The following TBCD variants were observed in gnomAD, a reference collection of about 807,000 sequenced individuals.
TBCD encodes tubulin folding cofactor D.
Under a neutral mutation model 169.3 loss-of-function variants are expected in TBCD, and 105 were observed. The ratio of observed to expected loss-of-function variants is 0.62; its 90% CI spans 0.53 to 0.73. TBCD has a LOEUF of 0.73. Ranked by LOEUF, TBCD falls within the 30% of genes least tolerant of loss-of-function variation. The pLI, the probability that TBCD is intolerant of heterozygous loss-of-function variation, is 0.00. For synonymous variants in TBCD, 700 were observed against 643.9 expected, an observed-to-expected ratio of 1.09 and a Z score of -1.32; for missense variants, 1,444 against 1,600.1, an observed-to-expected ratio of 0.90 and a Z score of 1.66.
chr17:82,931,511 A>G (rs959537426), intron 33 of TBCD, among the ~76,000 whole-genome samples: 1 of 146,892 alleles, frequency 6.8e-6, no homozygotes, highest in Non-Finnish European at 1.5e-5. Context: ...CCGGTCGCTC[A>G]TTCCGCCTTG....
chr17:82,800,182 G>T (rs1344580840), intron 8 of TBCD, among the ~76,000 whole-genome samples: 1 of 152,054 alleles, frequency 6.6e-6, no homozygotes, highest in East Asian at 1.9e-4. Flanking sequence ...CTCTGAAGCC[G>T]CCATGCACTT....
rs2062020294 is a variant in TBCD, at chr17:82,929,418, C to T, written c.2909C>T (p.Thr970Ile). Residue 970 changes from threonine (T) to isoleucine (I), a missense_variant, in exon 32 of 39, where the codon ACC becomes ATC. Physicochemically the swap from Thr to Ile is moderately conservative, Grantham distance 89. Transcript: ENST00000355528. ...SAPSQAFPRI[T>I]QLLGLPTYRY... is the part of the protein sequence containing the mutation. ...CCTTCCCAGGCCTTCCCACGCATCA[C>T]CCAGCTCCTTGGGCTGCCCACCTAC... The T allele has an allele frequency of 3.7e-6, 6 of 1,612,822 alleles. No individual in the cohort carries two copies. The highest frequency in any genetic ancestry group is 1.7e-5 in the Admixed American group (1 of 59,998).
At chr17:82,812,884 A>G (rs748867495) in intron 12 of TBCD, among the ~76,000 whole-genome samples, 11 of 152,132 alleles carry the variant, frequency 7.2e-5, no homozygotes, top group Non-Finnish European at 1.2e-4. Flanking sequence ...CTCAGGCACC[A>G]TGATAGCTCA....
Position 82,903,669 on chromosome 17 carries a change from G to T in TBCD, c.1804+191G>T, listed in dbSNP as rs1342819853. Among the ~76,000 whole-genome samples, 1 of 152,226 alleles carries T rather than the reference G, an allele frequency of 6.6e-6. No homozygotes were observed. Among genetic ancestry groups the T allele is most frequent in the East Asian group, 1.9e-4 (1 of 5,194 alleles). On this transcript the variant is annotated intron_variant, in intron 19 of 38. Transcript: ENST00000355528. This position sits in a 1 kb window ranked among gnomAD's most constrained non-coding sequence, Gnocchi z 4.8. ...ACGGATGCGGTGAGTGTGTCCGCCT[G>T]CAGGGCAGGGAGCCGCTGAACTGTG...
intron 13 of TBCD, among the ~76,000 whole-genome samples, chr17:82,828,287 C>T (rs1462073638): frequency 7.1e-6 from 1 of 141,526 alleles, no homozygotes; most frequent in African/African-American, 2.7e-5. Context: ...CACACACCCC[C>T]CCACAGGCAC....
At chr17:82,834,792 G>A (rs2053827770) in intron 13 of TBCD, among the ~76,000 whole-genome samples, 1 of 152,046 alleles carries the variant, frequency 6.6e-6, no homozygotes, top group Non-Finnish European at 1.5e-5. Flanking sequence ...CTAGATGATC[G>A]GTTGATGGGT....
chr17:82,932,752 C>T lies in TBCD; in HGVS notation c.3191+17C>T. ...GGAGGAGGAGTGAGGCTCTGCTTTT[C>T]ATGACTTCCTTTCCGATTAAGCCTA... On this transcript the variant is annotated intron_variant, in intron 34 of 38. Coordinates refer to ENST00000355528, the MANE Select transcript of TBCD (RefSeq NM_005993.5). 1 of 1,613,170 alleles carries T rather than the reference C, an allele frequency of 6.2e-7. No homozygotes were observed. The highest frequency in any genetic ancestry group is 2.2e-5 in the East Asian group (1 of 44,882).
chr17:82,913,709 T>A lies in TBCD; in HGVS notation c.2038+1920T>A, dbSNP rs1421316120. On this transcript the variant is annotated intron_variant, in intron 23 of 38. Transcript: ENST00000355528. ...GAGGTGCTGCTCTGTAATCTGCTCT[T>A]CTTCTTGAATGTGTGGTTAGGGCAG... 5 of 152,322 alleles carry A rather than the reference T, an allele frequency of 3.3e-5. No homozygotes were observed. In the East Asian group the frequency reaches 9.6e-4, roughly 29 times the overall value. 9.4% of individuals were successfully genotyped at this position (152,322 alleles called of 1,614,324 possible).
rs551496514 is a variant in TBCD at position 82,848,315 on chromosome 17, C to T, written c.1319-21909C>T. 1.2e-4 allele frequency among the ~76,000 whole-genome samples: 18 copies of T among 152,224 alleles called. No individual in the cohort carries two copies. In the South Asian group the frequency reaches 2.1e-3, roughly 18 times the overall value. ...TCCTGTCGCTCCCTCCTCTCCTGTG[C>T]GGATTGGCGCTGCGGCTTCTGTGTT... On this transcript the variant is annotated intron_variant, in intron 13 of 38. Coordinates refer to ENST00000355528, the MANE Select transcript of TBCD (RefSeq NM_005993.5).
intron 17 of TBCD, among the ~76,000 whole-genome samples, chr17:82,894,649 T>G (rs1195762808): frequency 6.6e-6 from 1 of 152,184 alleles, no homozygotes; most frequent in Non-Finnish European, 1.5e-5. Context: ...CTTTTTTGCC[T>G]TATCAGTTCT....
At chr17:82,778,175 C>T (rs1240421243) in intron 6 of TBCD, among the ~76,000 whole-genome samples, 1 of 152,188 alleles carries the variant, frequency 6.6e-6, no homozygotes, top group East Asian at 1.9e-4. Flanking sequence ...ATAATCATAT[C>T]TAAGATCTGT....
At chr17:82,772,674 AAGACCTCTG>A (rs2144113200) in intron 6 of TBCD, among the ~76,000 whole-genome samples, 167 bp downstream of exon 6, 1 of 152,308 alleles carries the variant, frequency 6.6e-6, no homozygotes, top group African/African-American at 2.4e-5. Context: ...TTGGGCACAG[AAGACCTCTG>A]ACCCTGAAAT....
intron 14 of TBCD, among the ~76,000 whole-genome samples, chr17:82,872,657 T>C (rs1250621360): frequency 6.9e-6 from 1 of 145,946 alleles, no homozygotes; most frequent in South Asian, 2.3e-4. Flanking sequence ...AATGTATCTT[T>C]CTTATTGTTG....
In TBCD at chr17:82,942,447, A is replaced by G; in HGVS notation, c.3565-2A>G. 1.2e-6 allele frequency: 2 copies of G among 1,613,944 alleles called. No individual in the cohort carries two copies. Among genetic ancestry groups the G allele is most frequent in the East Asian group, 4.5e-5 (2 of 44,862 alleles). On this transcript the variant is annotated splice_acceptor_variant, in intron 38 of 38. Transcript: ENST00000355528. LOFTEE classifies it high-confidence loss of function. ...CCTGAGCTTGTCTTGTCTCTTCTTC[A>G]GCCTGGTGCCTGCTGAAGCCAGTCC... is the stretch of plus-strand genomic sequence containing the variant.
intron 35 of TBCD, 22 bp downstream of exon 35, chr17:82,937,382 C>T: frequency 1.2e-6 from 2 of 1,610,086 alleles, no homozygotes; most frequent in Non-Finnish European, 1.7e-6. Flanking sequence ...GTGCTGCTGG[C>T]CTTAGACGGA....
At position 82,800,853 on chromosome 17, in the gene TBCD, C is replaced by T. The variant is rs1598576915; in HGVS notation, c.818-11C>T. The T allele has an allele frequency of 6.2e-7, 1 of 1,611,352 alleles. No individual in the cohort carries two copies. Among genetic ancestry groups the T allele is most frequent in the Non-Finnish European group, 8.5e-7 (1 of 1,179,052 alleles). The stretch of plus-strand genomic sequence containing the variant: ...AGCCCTTCCTGCGCTGAGTCCAGTT[C>T]TTGTTTGCAGCTGCCACTGTCCTCA... On this transcript the variant is annotated splice_polypyrimidine_tract_variant and intron_variant, in intron 8 of 38. Transcript: ENST00000355528.
In TBCD at chr17:82,781,718, CCTGGTAAGTG is replaced by C. The variant is rs1408793828; in HGVS notation, c.771+1_771+10del. On this transcript the variant is annotated splice_donor_variant and splice_donor_5th_base_variant and coding_sequence_variant and intron_variant, in exon 7 of 39. Transcript: ENST00000355528. LOFTEE classifies it high-confidence loss of function. The stretch of plus-strand genomic sequence containing the variant: ...TCACCATGGATGGGACGCTGCAGGC[CCTGGTAAGTG>C]CTGCCCGCAGGGGCTGTGGAGATCG... 3.1e-6 allele frequency: 5 copies of C among 1,613,382 alleles called. No homozygotes were observed. The highest frequency in any genetic ancestry group is 4.2e-6 in the Non-Finnish European group (5 of 1,179,790).
chr17:82,782,711 G>A lies in TBCD; in HGVS notation c.771+990G>A, dbSNP rs1357837587. ...ACCTCGCCACGGCGTCCTCCTGTCCGTGGCGTCGTCCTCCTGTCCGCAGCA... is the reference window on the plus strand; with the variant it reads ...ACCTCGCCACGGCGTCCTCCTGTCCATGGCGTCGTCCTCCTGTCCGCAGCA... On this transcript the variant is annotated intron_variant, in intron 7 of 38. Transcript: ENST00000355528. The surrounding 1 kb of genome is among the most constrained non-coding windows in gnomAD (Gnocchi z 5.1). 6.6e-6 allele frequency among the ~76,000 whole-genome samples: 1 copy of A among 152,010 alleles called. No homozygotes were observed.
chr17:82,893,546 G>C lies in TBCD; in HGVS notation c.1564-1G>C. The C allele has an allele frequency of 1.2e-6, 2 of 1,604,616 alleles. No individual in the cohort carries two copies. The highest frequency in any genetic ancestry group is 1.7e-6 in the Non-Finnish European group (2 of 1,175,796). The stretch of plus-strand genomic sequence containing the variant: ...TTCCCCCATTTCCACTTTCTTATTA[G>C]GGCACTTTCCCTCATGGTATTGATA... On this transcript the variant is annotated splice_acceptor_variant, in intron 16 of 38. Coordinates refer to ENST00000355528, the MANE Select transcript of TBCD (RefSeq NM_005993.5). LOFTEE classifies it high-confidence loss of function.
Sources: allele counts gnomAD v4.1 joint callset (sites outside exome capture counted in the v4.1 genomes callset), GRCh38; gene constraint gnomAD v4.1.1; non-coding constraint Gnocchi (gnomAD v3.1); transcripts MANE v1.5; gene names NCBI Gene and HGNC (gene_info 2026-07-23, HGNC 2026-07-21).